Variants in TAF3 observed in about 807,000 individuals in gnomAD.
TAF3 encodes the protein TATA-box binding protein associated factor 3.
In TAF3, 7 loss-of-function variants were observed where a neutral mutation model predicts 80.6. The ratio of observed to expected loss-of-function variants is 0.09; its 90% CI spans 0.05 to 0.16. The LOEUF is 0.16. TAF3 is among the 10% of genes least tolerant of loss of function. TAF3 has a pLI of 1.00. For synonymous variants in TAF3, 444 were observed against 446.1 expected (o/e 1.00, Z 0.06); for missense variants, 921 against 1,140.2 (o/e 0.81, Z 2.77).
intron 4 of TAF3, among the ~76,000 whole-genome samples, chr10:8,001,677 C>T (rs962701752): frequency 6.6e-6 from 1 of 152,080 alleles, no homozygotes; most frequent in Admixed American, 6.6e-5. Context: ...TCTATATTTA[C>T]TTACTTTTCT....
At chr10:7,856,751 T>C (rs1837083845) in intron 2 of TAF3, among the ~76,000 whole-genome samples, 6 of 149,120 alleles carry the variant, frequency 4.0e-5, no homozygotes, top group Non-Finnish European at 8.9e-5. Flanking sequence ...TTATACCAAG[T>C]AGCAAGGAAG....
chr10:7,963,798 T>TA lies in TAF3; in HGVS notation c.410-119dup, dbSNP rs527453916. ...TGTTGTGCCCATGTACCCTAGAACT[T>TA]AAAGTATAATAATAAAAAAGAAAGA... On this transcript the variant is annotated intron_variant, in intron 2 of 6. Transcript: ENST00000344293. 1.8e-4 allele frequency: 189 copies of TA among 1,058,092 alleles called. No individual in the cohort carries two copies. The African/African-American group carries it at 2.1e-3, about 12-fold the overall frequency. 65.5% of individuals were successfully genotyped at this position (1,058,092 alleles called of 1,614,324 possible). A position where few individuals can be genotyped will look rare whatever the true frequency, so the allele number is the denominator to read the frequency against.
intron 2 of TAF3, chr10:7,833,996 C>A (rs117147712): frequency 0.039 from 8,597 of 222,470 alleles, 204 homozygotes; most frequent in Non-Finnish European, 0.055. Context: ...AACAGCCAGA[C>A]TGTTCTTTCT....
Position 7,824,399 on chromosome 10 carries a change from A to G in TAF3, c.248A>G (p.Tyr83Cys). 1 of 1,614,198 alleles carries G rather than the reference A, an allele frequency of 6.2e-7. No homozygotes were observed. The highest frequency in any genetic ancestry group is 8.5e-7 in the Non-Finnish European group (1 of 1,180,024). ...MGVSLHELED[Y>C]IHNIEPVTFP... ...GTTAGTCTACATGAACTAGAAGACTATATTCACAACATTGAGCCTGTCACC... is the reference window on the plus strand; with the variant it reads ...GTTAGTCTACATGAACTAGAAGACTGTATTCACAACATTGAGCCTGTCACC... The change falls in exon 2 of 7, where the codon TAT (tyrosine) becomes TGT (cysteine). Residue 83 changes from tyrosine to cysteine, a missense_variant. Physicochemically the swap from Tyr to Cys is radical, Grantham distance 194. Around this residue, in one of 6 missense-constraint regions of TAF3, gnomAD observed 106 missense variants for 191.8 expected, o/e 0.55. Coordinates refer to ENST00000344293, the MANE Select transcript of TAF3 (RefSeq NM_031923.4).
At position 7,964,993 on chromosome 10, in the gene TAF3, C is replaced by A; in HGVS notation, c.1483C>A (p.Pro495Thr). The change falls in exon 3 of 7, where the codon CCG becomes ACG. Residue 495 changes from proline to threonine, a missense_variant. Pro to Thr is a conservative substitution (Grantham distance 38). Transcript: ENST00000344293. This position sits in a 1 kb window ranked among gnomAD's most constrained non-coding sequence, Gnocchi z 4.1. ...CCCCAACTTTCCTTATATCTCTTCT[C>A]CGTCAGTGTCTCCTCCCACTCCCGA... ...MPPNFPYISSPSVSPPTPEPL... is the reference protein window; with the variant it reads ...MPPNFPYISSTSVSPPTPEPL... The A allele has an allele frequency of 6.2e-7, 1 of 1,614,056 alleles. No individual in the cohort carries two copies. The highest frequency in any genetic ancestry group is 8.5e-7 in the Non-Finnish European group (1 of 1,180,030).
At chr10:7,838,515 G>A (rs1836875019) in intron 2 of TAF3, among the ~76,000 whole-genome samples, 1 of 152,100 alleles carries the variant, frequency 6.6e-6, no homozygotes, top group Admixed American at 6.6e-5. Flanking sequence ...CCAAGTAGCT[G>A]AAATTACAGG....
At chr10:7,975,905 G>A (rs1831668487) in intron 3 of TAF3, among the ~76,000 whole-genome samples, 1 of 152,142 alleles carries the variant, frequency 6.6e-6, no homozygotes, top group Non-Finnish European at 1.5e-5. Flanking sequence ...GTGACTAACA[G>A]TAAACCAGTG....
At chr10:7,945,706 A>G (rs770404019) in intron 2 of TAF3, among the ~76,000 whole-genome samples, 2 of 152,006 alleles carry the variant, frequency 1.3e-5, no homozygotes, top group Non-Finnish European at 2.9e-5. Flanking sequence ...TCATGACATC[A>G]TCACACAGCT....
chr10:7,879,093 A>G (rs1837336524), intron 2 of TAF3, among the ~76,000 whole-genome samples: 1 of 152,200 alleles, frequency 6.6e-6, no homozygotes, highest in Non-Finnish European at 1.5e-5. Flanking sequence ...TTTTGAAGCT[A>G]AGAGTTTAAA....
rs61731331 is a variant in TAF3 at position 7,964,498 on chromosome 10, A to T, written c.988A>T (p.Ile330Phe). 2.2e-3 allele frequency: 3,583 copies of T among 1,613,440 alleles called. 74 individuals carry two copies. In the African/African-American group the frequency reaches 0.043, roughly 19 times the overall value. ...CAAGAGCCCCAAGGTCACGACTCAC[A>T]TTCCCCAAACACCTGTGAGACCTGA... ...SPKSPKVTTH[I>F]PQTPVRPETP... Residue 330 changes from isoleucine (I) to phenylalanine (F), a missense_variant, in exon 3 of 7, where the codon ATT becomes TTT. Ile to Phe is a conservative substitution (Grantham distance 21). Around this residue, in one of 6 missense-constraint regions of TAF3, gnomAD observed 743 missense variants for 821.0 expected, o/e 0.90. Transcript: ENST00000344293. The surrounding 1 kb of genome is among the most constrained non-coding windows in gnomAD (Gnocchi z 4.1).
intron 2 of TAF3, among the ~76,000 whole-genome samples, chr10:7,911,723 A>G (rs1837658434): frequency 6.6e-6 from 1 of 152,204 alleles, no homozygotes; most frequent in Admixed American, 6.5e-5. Context: ...AACATTTTTA[A>G]ATCAGAAAAA....
At chr10:7,822,739 A>T (rs1447389220) in intron 1 of TAF3, among the ~76,000 whole-genome samples, 1 of 152,234 alleles carries the variant, frequency 6.6e-6, no homozygotes, top group Admixed American at 6.5e-5. Flanking sequence ...TCAGGATTTC[A>T]GTTAAAAAGT....
chr10:7,874,691 G>A (rs1837298209), intron 2 of TAF3, among the ~76,000 whole-genome samples: 1 of 142,802 alleles, frequency 7.0e-6, no homozygotes, highest in Non-Finnish European at 1.5e-5. Context: ...GATATGTTTT[G>A]TCTTAGTTTT....
At chr10:7,875,390 T>C (rs192539334) in intron 2 of TAF3, among the ~76,000 whole-genome samples, 1 of 152,320 alleles carries the variant, frequency 6.6e-6, no homozygotes, top group African/African-American at 2.4e-5. Context: ...GCCATTTCTC[T>C]TTCTGGCTGA....
Position 8,014,835 on chromosome 10 carries a change from G to A in TAF3, c.*84G>A, listed in dbSNP as rs531627578. The A allele has an allele frequency of 6.1e-5, 73 of 1,197,822 alleles. No homozygotes were observed. The highest frequency in any genetic ancestry group is 1.1e-4 in the African/African-American group (7 of 65,048). 74.2% of individuals were successfully genotyped at this position (1,197,822 alleles called of 1,614,324 possible). A position where few individuals can be genotyped will look rare whatever the true frequency, so the allele number is the denominator to read the frequency against. ...GGAAGGGAGCTGGTGCAAGTCTGCC[G>A]TCACATCCACCCCCAGATGCCTGTG... On this transcript the variant is annotated 3_prime_UTR_variant, in exon 7 of 7. Transcript: ENST00000344293.
At chr10:7,961,722 C>A (rs908072483) in intron 2 of TAF3, among the ~76,000 whole-genome samples, 2 of 152,180 alleles carry the variant, frequency 1.3e-5, no homozygotes, top group East Asian at 3.9e-4. Flanking sequence ...GTAGGCATTG[C>A]AGACTAAATG....
At chr10:7,897,676 C>CT (rs1210378117) in intron 2 of TAF3, among the ~76,000 whole-genome samples, 4,668 of 140,532 alleles carry the variant, frequency 0.033, 115 homozygotes, top group African/African-American at 0.068. Context: ...TTCTTTCTTT[C>CT]TTTTTTTTTT....
At chr10:8,001,431 G>C (rs1831942423) in intron 4 of TAF3, among the ~76,000 whole-genome samples, 1 of 151,892 alleles carries the variant, frequency 6.6e-6, no homozygotes, top group Non-Finnish European at 1.5e-5. Context: ...TGTTTCCTTT[G>C]CTCATGTTTG....
intron 2 of TAF3, among the ~76,000 whole-genome samples, chr10:7,887,945 C>CT (rs1055531366): frequency 6.6e-6 from 1 of 152,078 alleles, no homozygotes; most frequent in Non-Finnish European, 1.5e-5. Flanking sequence ...AGTCGAGGAA[C>CT]TTTTTTAATG....
Sources: allele counts gnomAD v4.1 joint callset (sites outside exome capture counted in the v4.1 genomes callset), GRCh38; gene constraint gnomAD v4.1.1; regional missense constraint gnomAD v4.1.1; non-coding constraint Gnocchi (gnomAD v3.1); transcripts MANE v1.5; gene names NCBI Gene and HGNC (gene_info 2026-07-23, HGNC 2026-07-21).